The following ZNF607 variants were observed in gnomAD, a reference collection of about 807,000 sequenced individuals.
ZNF607 encodes the protein zinc finger protein 607.
In ZNF607, 5 loss-of-function variants were observed where a neutral mutation model predicts 12.8. The observed-to-expected ratio is 0.39, with a 90% CI of 0.20 to 0.82. The LOEUF (loss-of-function observed/expected upper bound fraction) is 0.82, where lower values mean the gene tolerates loss of function less well. ZNF607 is among the 40% of genes least tolerant of loss of function. The pLI is 0.39. For missense variants in ZNF607, 851 were observed against 859.2 expected, an observed-to-expected ratio of 0.99 and a Z score of 0.12; for synonymous variants, 287 against 276.2, an observed-to-expected ratio of 1.04 and a Z score of -0.39.
At chr19:37,713,437 A>ATT (rs60121706) in intron 1 of ZNF607, among the ~76,000 whole-genome samples, 28 of 140,752 alleles carry the variant, frequency 2.0e-4, no homozygotes, top group Admixed American at 5.7e-4. Flanking sequence ...TAAAAGTCTG[A>ATT]TTTTTTTTTT....
chr19:37,717,603 C>CT (rs1465507859), intron 1 of ZNF607, among the ~76,000 whole-genome samples: 1 of 146,428 alleles, frequency 6.8e-6, no homozygotes, highest in Non-Finnish European at 1.5e-5. Flanking sequence ...CAAGACCAGC[C>CT]TGACCCACAT....
chr19:37,707,942 C>G lies in ZNF607; in HGVS notation c.207G>C (p.Val69=), dbSNP rs770507591. The G allele has an allele frequency of 2.5e-6, 4 of 1,614,034 alleles. No individual in the cohort carries two copies. The South Asian group carries it at 4.4e-5, about 18-fold the overall frequency. Residue 69 remains valine, a synonymous_variant, in exon 4 of 5, where the codon GTG becomes GTC. Coordinates refer to ENST00000355202, the MANE Select transcript of ZNF607 (RefSeq NM_032689.5). ...LEQGKEPWMI[V]REETRGECTD... is the part of the protein sequence containing the mutation. ...TACACTCTCCTCTTGTTTCTTCCCTCACAATCATCCATGGCTCTTTTCCTT... is the reference window on the plus strand; with the variant it reads ...TACACTCTCCTCTTGTTTCTTCCCTGACAATCATCCATGGCTCTTTTCCTT...
rs2044998308 is a variant in ZNF607 at position 37,698,375 on chromosome 19, CA to C, written c.1755del (p.Glu586LysfsTer138). 6.2e-6 allele frequency: 10 copies of C among 1,613,908 alleles called. No homozygotes were observed. Among genetic ancestry groups the C allele is most frequent in the African/African-American group, 4.0e-5 (3 of 74,908 alleles). ...SLIYHDRTHAGEKSYECKECG... is the reference protein window; with the variant it reads ...SLIYHDRTHAXEKSYECKECG... ...CATTCTTTACATTCATAGGACTTTT[CA>C]CCAGCATGAGTTCGGTCATGATATA... On this transcript the variant is annotated frameshift_variant, in exon 5 of 5. Coordinates refer to ENST00000355202, the MANE Select transcript of ZNF607 (RefSeq NM_032689.5). LOFTEE classifies it low-confidence loss of function (END_TRUNC).
In ZNF607 at chr19:37,719,698, C is replaced by G. The variant is rs901736285; in HGVS notation, c.-504G>C. 6.6e-6 allele frequency: 1 copy of G among 152,450 alleles called. No individual in the cohort carries two copies. Among genetic ancestry groups the G allele is most frequent in the Non-Finnish European group, 1.5e-5 (1 of 68,214 alleles). The allele number at this position is 152,450 out of a possible 1,614,324, so 9.4% of individuals were successfully genotyped here. ...TCCTAAAAACCTACGAGAAATACGGCAGCGACCACTTGGACCGCGCCTCCC... is the reference window on the plus strand; with the variant it reads ...TCCTAAAAACCTACGAGAAATACGGGAGCGACCACTTGGACCGCGCCTCCC... On this transcript the variant is annotated 5_prime_UTR_variant, in exon 1 of 5. Transcript: ENST00000355202.
chr19:37,708,189 C>CA (rs1373478395), intron 3 of ZNF607, among the ~76,000 whole-genome samples, 177 bp from the exon 4 acceptor site: 1 of 149,780 alleles, frequency 6.7e-6, no homozygotes, highest in African/African-American at 2.4e-5. Context: ...TGCTGGTTTT[C>CA]AAAAAAAATT....
At chr19:37,700,667 A>T (rs2045031710) in intron 4 of ZNF607, among the ~76,000 whole-genome samples, 1 of 152,162 alleles carries the variant, frequency 6.6e-6, no homozygotes, top group Non-Finnish European at 1.5e-5. Context: ...TTATCTCAAT[A>T]AAAAGGAAAG....
intron 4 of ZNF607, among the ~76,000 whole-genome samples, chr19:37,702,969 T>C (rs1010117946): frequency 6.6e-6 from 1 of 151,872 alleles, no homozygotes; most frequent in Admixed American, 6.6e-5. Context: ...TTTTTTTTTT[T>C]GAGATGGAGT....
intron 3 of ZNF607, among the ~76,000 whole-genome samples, chr19:37,708,799 G>A (rs910264111): frequency 2.8e-5 from 4 of 144,956 alleles, no homozygotes; most frequent in Non-Finnish European, 6.0e-5. Flanking sequence ...AGTGAGCTAA[G>A]ATCGCACCAC....
chr19:37,703,106 C>G (rs1278350864), intron 4 of ZNF607, among the ~76,000 whole-genome samples: 5 of 151,778 alleles, frequency 3.3e-5, no homozygotes, highest in Non-Finnish European at 2.9e-5. Context: ...GAATGCATCA[C>G]CATGCCTGGC....
Position 37,719,713 on chromosome 19 carries a change from C to A in ZNF607, c.-519G>T, listed in dbSNP as rs1216083004. 6.6e-6 allele frequency: 1 copy of A among 152,470 alleles called. No individual in the cohort carries two copies. Among genetic ancestry groups the A allele is most frequent in the African/African-American group, 2.4e-5 (1 of 41,488 alleles). The allele number at this position is 152,470 out of a possible 1,614,324, so 9.4% of individuals were successfully genotyped here. A position where few individuals can be genotyped will look rare whatever the true frequency, so the allele number is the denominator to read the frequency against. On this transcript the variant is annotated 5_prime_UTR_variant, in exon 1 of 5. Transcript: ENST00000355202. Reference sequence around the variant, plus strand: ...AGAAATACGGCAGCGACCACTTGGACCGCGCCTCCCACCCACCGCTCGAGC... The same window carrying A: ...AGAAATACGGCAGCGACCACTTGGAACGCGCCTCCCACCCACCGCTCGAGC...
chr19:37,707,911 T>TACC lies in ZNF607; in HGVS notation c.235_235+2dup, dbSNP rs781139269. On this transcript the variant is annotated splice_region_variant and intron_variant, in intron 4 of 4. Coordinates refer to ENST00000355202, the MANE Select transcript of ZNF607 (RefSeq NM_032689.5). ...TGGCTGCCCCTGCCTGACTTGCTCT[T>TACC]ACCTGTACACTCTCCTCTTGTTTCT... is the stretch of plus-strand genomic sequence containing the variant. The TACC allele has an allele frequency of 1.2e-6, 2 of 1,612,752 alleles. No homozygotes were observed. The highest frequency in any genetic ancestry group is 2.2e-5 in the South Asian group (2 of 90,814).
intron 4 of ZNF607, among the ~76,000 whole-genome samples, chr19:37,701,752 C>G (rs906810564): frequency 6.6e-6 from 1 of 152,178 alleles, no homozygotes; most frequent in African/African-American, 2.4e-5. Flanking sequence ...AGGTTTGGAG[C>G]CAGGCTCAAT....
In ZNF607 at chr19:37,697,165, T is replaced by G; in HGVS notation, c.*875A>C. 1.4e-6 allele frequency: 1 copy of G among 740,556 alleles called. No individual in the cohort carries two copies. Among genetic ancestry groups the G allele is most frequent in the East Asian group, 2.5e-5 (1 of 39,578 alleles). 45.9% of individuals were successfully genotyped at this position (740,556 alleles called of 1,614,324 possible). ...ACATTCTGTAAATCTTTGCTACCAG[T>G]GATGACTGGCGCACTACGTGGTTGA... is the stretch of plus-strand genomic sequence containing the variant. On this transcript the variant is annotated 3_prime_UTR_variant, in exon 5 of 5. Transcript: ENST00000355202.
chr19:37,705,718 GTTCAACT>G (rs2045076791), intron 4 of ZNF607, among the ~76,000 whole-genome samples: 1 of 147,924 alleles, frequency 6.8e-6, no homozygotes, highest in African/African-American at 2.5e-5. Context: ...TTAGATGCAT[GTTCAACT>G]TCCAAGAAAA....
intron 1 of ZNF607, among the ~76,000 whole-genome samples, chr19:37,718,026 T>C (rs1473423248): frequency 1.3e-5 from 2 of 152,114 alleles, no homozygotes; most frequent in Admixed American, 6.5e-5. Flanking sequence ...CGTTCATTAG[T>C]TTTCTGCAAA....
intron 1 of ZNF607, among the ~76,000 whole-genome samples, chr19:37,714,562 TCAAA>T (rs1568408118): frequency 2.7e-5 from 1 of 36,620 alleles, no homozygotes. Context: ...AGACCCCATC[TCAAA>T]AAAAAAAAAA....
At position 37,719,417 on chromosome 19, in the gene ZNF607, C is replaced by T. The variant is rs1243948321; in HGVS notation, c.-223G>A. 2 of 152,666 alleles carry T rather than the reference C, an allele frequency of 1.3e-5. No homozygotes were observed. The highest frequency in any genetic ancestry group is 4.8e-5 in the African/African-American group (2 of 41,474). The allele number at this position is 152,666 out of a possible 1,614,324, so 9.5% of individuals were successfully genotyped here. ...CTAGGGCCTGAGGAGGCGGGAGACT[C>T]GCCCGGCCCGCCTGGGGGCCTCCGC... On this transcript the variant is annotated 5_prime_UTR_variant, in exon 1 of 5. Coordinates refer to ENST00000355202, the MANE Select transcript of ZNF607 (RefSeq NM_032689.5).
rs1401850741 is a variant in ZNF607 at position 37,709,697 on chromosome 19, C to G, written c.135G>C (p.Leu45Phe). 1.9e-6 allele frequency: 3 copies of G among 1,613,280 alleles called. No individual in the cohort carries two copies. The East Asian group carries it at 6.7e-5, about 36-fold the overall frequency. The part of the protein sequence containing the change: ...MMENYDNLVS[L>F]AGHSVSKPDL... ...ATCATTCCAGGTTGATAAACATACC[C>G]AATGAGACTAAGTTGTCATAGTTCT... Residue 45 changes from leucine to phenylalanine, a missense_variant and splice_region_variant, in exon 3 of 5, where the codon TTG (leucine) becomes TTC (phenylalanine). Leu to Phe is a conservative substitution (Grantham distance 22, BLOSUM62 0). Coordinates refer to ENST00000355202, the MANE Select transcript of ZNF607 (RefSeq NM_032689.5).
intron 3 of ZNF607, among the ~76,000 whole-genome samples, chr19:37,709,164 A>G (rs1354684938): frequency 6.6e-6 from 1 of 152,212 alleles, no homozygotes; most frequent in East Asian, 1.9e-4. Context: ...TCAACCATAA[A>G]TCAAATGAAT....
Sources: allele counts gnomAD v4.1 joint callset (sites outside exome capture counted in the v4.1 genomes callset), GRCh38; gene constraint gnomAD v4.1.1; transcripts MANE v1.5; gene names NCBI Gene and HGNC (gene_info 2026-07-23, HGNC 2026-07-21).